CSF2RA: variants seen among roughly 807,000 people sequenced by gnomAD.
The protein encoded by CSF2RA is colony stimulating factor 2 receptor subunit alpha.
CSF2RA carries 42 observed loss-of-function variants against 51.6 expected under a neutral mutation model. The observed-to-expected ratio is 0.81, with a 90% CI of 0.64 to 1.05. The LOEUF is 1.05. Among genes scored for constraint, CSF2RA ranks in the 50% least tolerant of loss-of-function variants. CSF2RA has a pLI of 0.00. For synonymous variants in CSF2RA, 222 were observed against 193.0 expected (o/e 1.15, Z -1.24); for missense variants, 530 against 501.1 (o/e 1.06, Z -0.55).
intron 9 of CSF2RA, among the ~76,000 whole-genome samples, chrX:1,299,469 G>C (rs1325100358): frequency 6.6e-6 from 1 of 151,984 alleles, no homozygotes; most frequent in Non-Finnish European, 1.5e-5. Context: ...CTGTCCCCCA[G>C]GCTGGAGTGC....
rs1272934388 is a variant in CSF2RA at position 1,309,663 on chromosome X, G to T, written c.*184G>T. On this transcript the variant is annotated 3_prime_UTR_variant, in exon 13 of 13. Transcript: ENST00000381529. ...GCACTTTGGGAGGCCAAGGCAGGCG[G>T]ATCACCTGAGGTCAGGAGTTCAAGA... 5.1e-6 allele frequency: 7 copies of T among 1,361,388 alleles called. 1 individual carries two copies. Among genetic ancestry groups the T allele is most frequent in the Non-Finnish European group, 7.4e-6 (7 of 951,552 alleles). The allele number at this position is 1,361,388 out of a possible 1,614,324, so 84.3% of individuals were successfully genotyped here.
rs1393544289 is a variant in CSF2RA at position 1,300,435 on chromosome X, A to C, written c.811-56A>C. 6.9e-6 allele frequency: 11 copies of C among 1,593,598 alleles called. No individual in the cohort carries two copies. In the African/African-American group the frequency reaches 9.5e-5, roughly 14 times the overall value. On this transcript the variant is annotated intron_variant, in intron 9 of 12. Coordinates refer to ENST00000381529, the MANE Select transcript of CSF2RA (RefSeq NM_172245.4). ...AAAAGACAAAAGAACGAAAAAAGGC[A>C]ACCTTTTCCTCCACACAGAAGACGC...
rs1376590397 is a variant in CSF2RA, at chrX:1,287,722, G to C, written c.220-797G>C. ...GCCTCCCAGAGTGCTGGCATTACAG[G>C]TGTGAGCCACTATGTCCGACCCTTT... is the stretch of plus-strand genomic sequence containing the variant. On this transcript the variant is annotated intron_variant, in intron 4 of 12. Transcript: ENST00000381529. Among the ~76,000 whole-genome samples the C allele has an allele frequency of 3.0e-5, 4 of 133,512 alleles. 1 individual carries two copies. Among genetic ancestry groups the C allele is most frequent in the African/African-American group, 1.1e-4 (4 of 34,970 alleles). The allele number at this position is 133,512 out of a possible 152,430, so 87.6% of individuals were successfully genotyped here.
At chrX:1,300,806 C>A (rs1236295686) in intron 10 of CSF2RA, among the ~76,000 whole-genome samples, 180 bp downstream of exon 10, 1 of 152,044 alleles carries the variant, frequency 6.6e-6, no homozygotes, top group Non-Finnish European at 1.5e-5. Context: ...GTACTTGGTC[C>A]CGCAACATTG....
chrX:1,270,344 A>C (rs1426656095), intron 1 of CSF2RA, among the ~76,000 whole-genome samples: 1 of 151,958 alleles, frequency 6.6e-6, no homozygotes, highest in Non-Finnish European at 1.5e-5. Context: ...GGCTCAAGCA[A>C]TCCTCCCATC....
intron 3 of CSF2RA, among the ~76,000 whole-genome samples, chrX:1,283,868 C>G (rs142326395): frequency 0.015 from 2,302 of 152,122 alleles, 53 homozygotes; most frequent in African/African-American, 0.052. Context: ...CACACCCAGC[C>G]TCTTGTTTGT....
chrX:1,314,577 G>A (rs1200147148), downstream of CSF2RA, among the ~76,000 whole-genome samples: 10 of 40,130 alleles, frequency 2.5e-4, 1 homozygote, highest in East Asian at 9.2e-4. Flanking sequence ...CACTGCACCT[G>A]CCCAACCCCA....
At chrX:1,287,073 A>C (rs1363009810) in intron 4 of CSF2RA, 1 of 151,218 alleles carries the variant, frequency 6.6e-6, no homozygotes, top group African/African-American at 2.4e-5. Flanking sequence ...TGATTGGAAG[A>C]TTGATAATCA....
At chrX:1,286,474 CAGG>C (rs67905827) in intron 4 of CSF2RA, among the ~76,000 whole-genome samples, 73,663 of 150,774 alleles carry the variant, frequency 0.49, 18,165 homozygotes, top group Middle Eastern at 0.64. Flanking sequence ...GAGGCTGAGG[CAGG>C]AGAATTACTG....
Position 1,288,523 on chromosome X carries a change from G to A in CSF2RA, c.224G>A (p.Ser75Asn), listed in dbSNP as rs1298989040. The change falls in exon 5 of 13, where the codon AGT becomes AAT. Residue 75 changes from serine (S) to asparagine (N), a missense_variant. Transcript: ENST00000381529. Reference protein sequence around the residue: ...KKNRVVEPRLSNNECSCTFRE... With the variant: ...KKNRVVEPRLNNNECSCTFRE... ...TGTCTGGTTGCAATTCTTCAGCTCA[G>A]TAACAACGAATGTTCGTGCACATTT... 1.2e-5 allele frequency: 19 copies of A among 1,613,826 alleles called. No individual in the cohort carries two copies. Among genetic ancestry groups the A allele is most frequent in the Non-Finnish European group, 1.5e-5 (18 of 1,179,876 alleles).
chrX:1,282,815 C>T lies in CSF2RA; in HGVS notation c.76+36C>T, dbSNP rs150547238. ...AAACCTGGCTGAACCTTCTCCGCGGCCCCTGTTTAGATGTCCTGCATCTGG... is the reference window on the plus strand; with the variant it reads ...AAACCTGGCTGAACCTTCTCCGCGGTCCCTGTTTAGATGTCCTGCATCTGG... On this transcript the variant is annotated intron_variant, in intron 3 of 12. Transcript: ENST00000381529. 1.2e-3 allele frequency: 1,804 copies of T among 1,566,336 alleles called. 11 individuals carry two copies. The African/African-American group carries it at 0.022, about 19-fold the overall frequency.
At chrX:1,315,463 G>C in the CSF2RA span, among the ~76,000 whole-genome samples, 3 of 152,142 alleles carry the variant, frequency 2.0e-5, no homozygotes, top group South Asian at 4.1e-4. Flanking sequence ...GAGTGCAGTG[G>C]CGCGATCTCA....
rs747427634 is a variant in CSF2RA at position 1,305,462 on chromosome X, C to A, written c.1060C>A (p.Arg354=). 2 of 1,613,934 alleles carry A rather than the reference C, an allele frequency of 1.2e-6. No individual in the cohort carries two copies. Among genetic ancestry groups the A allele is most frequent in the South Asian group, 1.1e-5 (1 of 91,072 alleles). ...FLFKRFLRIQ[R]LFPPVPQIKD... is the part of the protein sequence containing the mutation. ...GTGTCTCAGGTTCCTTAGGATACAG[C>A]GGCTGTTCCCGCCAGTTCCACAGAT... Residue 354 remains arginine, a synonymous_variant, in exon 12 of 13, where the codon CGG becomes AGG. Coordinates refer to ENST00000381529, the MANE Select transcript of CSF2RA (RefSeq NM_172245.4).
chrX:1,305,896 C>A, intron 12 of CSF2RA: 1 of 1,010,214 alleles, frequency 9.9e-7, no homozygotes, highest in Non-Finnish European at 1.5e-6. Flanking sequence ...GCCTGGCCAA[C>A]GTGGTGAAAC....
chrX:1,308,317 A>C (rs1412768899), intron 12 of CSF2RA, among the ~76,000 whole-genome samples: 3 of 152,150 alleles, frequency 2.0e-5, no homozygotes, highest in Admixed American at 1.3e-4. Flanking sequence ...CAAAAGAGGC[A>C]GACACACAGG....
At chrX:1,293,455 G>A (rs1184264496) in intron 7 of CSF2RA, among the ~76,000 whole-genome samples, 2 of 152,144 alleles carry the variant, frequency 1.3e-5, no homozygotes, top group Non-Finnish European at 2.9e-5. Flanking sequence ...TCCTGACCTC[G>A]TGATCCTCCC....
chrX:1,305,026 C>T (rs1393548922), intron 11 of CSF2RA, among the ~76,000 whole-genome samples: 1 of 138,052 alleles, frequency 7.2e-6, no homozygotes, highest in Non-Finnish European at 1.6e-5. Context: ...TGGAGTCTCA[C>T]TCTGTCACCC....
chrX:1,304,134 C>A (rs767102242), intron 11 of CSF2RA, 115 bp downstream of exon 11: 1 of 984,510 alleles, frequency 1.0e-6, no homozygotes, highest in Non-Finnish European at 1.6e-6. Flanking sequence ...CTTGGCCGGG[C>A]GTGTTGGCTC....
At chrX:1,315,820 TTAGA>T in the CSF2RA span, among the ~76,000 whole-genome samples, 322 of 141,336 alleles carry the variant, frequency 2.3e-3, 2 homozygotes, top group East Asian at 8.9e-3. Context: ...GATAGATAGA[TTAGA>T]TAGATGAATG....
Sources: allele counts gnomAD v4.1 joint callset (sites outside exome capture counted in the v4.1 genomes callset), GRCh38; gene constraint gnomAD v4.1.1; transcripts MANE v1.5; gene names NCBI Gene and HGNC (gene_info 2026-07-23, HGNC 2026-07-21).